KCNQ1OT1: variants seen among roughly 807,000 people sequenced by gnomAD.
KCNQ1OT1 encodes the protein KCNQ1 opposite strand/antisense transcript 1.
Position 2,651,576 on chromosome 11 carries a change from C to T in KCNQ1OT1, n.48419G>A, listed in dbSNP as rs1204353802. Reference sequence around the variant, plus strand: ...GATATTGTGTTCTTTACCTCCATGTCTCCAGTGCCTGCCACATAGCAGGTC... The same window carrying T: ...GATATTGTGTTCTTTACCTCCATGTTTCCAGTGCCTGCCACATAGCAGGTC... On this transcript the variant is annotated non_coding_transcript_exon_variant, in exon 1 of 1. Coordinates refer to ENST00000597346, the Ensembl canonical transcript of KCNQ1OT1. The surrounding 1 kb of genome is among the most constrained non-coding windows in gnomAD (Gnocchi z 6.1). 1 of 398,538 alleles carries T rather than the reference C, an allele frequency of 2.5e-6. No homozygotes were observed. Among genetic ancestry groups the T allele is most frequent in the Non-Finnish European group, 4.4e-6 (1 of 226,114 alleles). The allele number at this position is 398,538 out of a possible 1,614,324, so 24.7% of individuals were successfully genotyped here.
rs1019048238 is a variant in KCNQ1OT1, at chr11:2,670,642, A to G, written n.29353T>C. The G allele has an allele frequency of 2.5e-6, 1 of 398,548 alleles. No individual in the cohort carries two copies. The highest frequency in any genetic ancestry group is 4.4e-6 in the Non-Finnish European group (1 of 226,128). 24.7% of individuals were successfully genotyped at this position (398,548 alleles called of 1,614,324 possible). On this transcript the variant is annotated non_coding_transcript_exon_variant, in exon 1 of 1. Coordinates refer to ENST00000597346, the Ensembl canonical transcript of KCNQ1OT1. This position sits in a 1 kb window ranked among gnomAD's most constrained non-coding sequence, Gnocchi z 4.9. Reference sequence around the variant, plus strand: ...AGCCTGGATATGCATGGCAGAGGCCAGGATGAACCCTGAAGATTGGTAGGA... The same window carrying G: ...AGCCTGGATATGCATGGCAGAGGCCGGGATGAACCCTGAAGATTGGTAGGA...
exon 1 of KCNQ1OT1, chr11:2,667,805 AC>A: frequency 2.5e-6 from 1 of 398,688 alleles, no homozygotes; most frequent in Non-Finnish European, 4.4e-6. Context: ...CACCTGGGCT[AC>A]CCTGGTATAG....
At chr11:2,666,955 A>G (rs1850083118) in exon 1 of KCNQ1OT1, 1 of 398,756 alleles carries the variant, frequency 2.5e-6, no homozygotes, top group Non-Finnish European at 4.4e-6. Flanking sequence ...CGAGATGCCA[A>G]GGAAGCCCTC....
exon 1 of KCNQ1OT1, chr11:2,628,638 T>A: frequency 2.5e-6 from 1 of 398,446 alleles, no homozygotes; most frequent in Non-Finnish European, 4.4e-6. Flanking sequence ...ACTTTTTTGT[T>A]TGATGTAGTT....
At position 2,687,750 on chromosome 11, in the gene KCNQ1OT1, GAGA is replaced by G. The variant is rs1187999803; in HGVS notation, n.12242_12244del. 117 of 398,614 alleles carry G rather than the reference GAGA, an allele frequency of 2.9e-4. No individual in the cohort carries two copies. The highest frequency in any genetic ancestry group is 2.2e-4 in the Admixed American group (5 of 22,718). The allele number at this position is 398,614 out of a possible 1,614,324, so 24.7% of individuals were successfully genotyped here. A position where few individuals can be genotyped will look rare whatever the true frequency, so the allele number is the denominator to read the frequency against. On this transcript the variant is annotated non_coding_transcript_exon_variant, in exon 1 of 1. Transcript: ENST00000597346. This position sits in a 1 kb window ranked among gnomAD's most constrained non-coding sequence, Gnocchi z 5.0. ...GTAACCAGCAAATCATGGGGAGACT[GAGA>G]AGAGGAGCCCCTTAGCAGGCCTAAC...
At chr11:2,693,017 A>T in exon 1 of KCNQ1OT1, 1 of 398,636 alleles carries the variant, frequency 2.5e-6, no homozygotes, top group Non-Finnish European at 4.4e-6. Flanking sequence ...CGCTCAGTGA[A>T]GGAACAGGAA....
exon 1 of KCNQ1OT1, chr11:2,631,064 T>C: frequency 2.5e-6 from 1 of 398,572 alleles, no homozygotes; most frequent in Non-Finnish European, 4.4e-6. Context: ...GAAACCTCTT[T>C]TAGATGGAAA....
chr11:2,695,355 C>T lies in KCNQ1OT1; in HGVS notation n.4640G>A, dbSNP rs1341072729. 2 of 398,424 alleles carry T rather than the reference C, an allele frequency of 5.0e-6. No individual in the cohort carries two copies. Among genetic ancestry groups the T allele is most frequent in the Non-Finnish European group, 8.8e-6 (2 of 226,082 alleles). 24.7% of individuals were successfully genotyped at this position (398,424 alleles called of 1,614,324 possible). ...GTGTGTGTGTGTGTGCACTCACGAGCACTCCCTAGTACTGCGTGTCTGGGT... is the reference window on the plus strand; with the variant it reads ...GTGTGTGTGTGTGTGCACTCACGAGTACTCCCTAGTACTGCGTGTCTGGGT... On this transcript the variant is annotated non_coding_transcript_exon_variant, in exon 1 of 1. Transcript: ENST00000597346. The surrounding 1 kb of genome is among the most constrained non-coding windows in gnomAD (Gnocchi z 5.2).
Position 2,621,925 on chromosome 11 carries a change from GTTC to G in KCNQ1OT1, n.78067_78069del, listed in dbSNP as rs764151014. ...CTTCTGTTAACTTTGGCTTTAGTTT[GTTC>G]TTCTTTTTCTAATTCCTTGAGGTAC... On this transcript the variant is annotated non_coding_transcript_exon_variant, in exon 1 of 1. Coordinates refer to ENST00000597346, the Ensembl canonical transcript of KCNQ1OT1. The surrounding 1 kb of genome is among the most constrained non-coding windows in gnomAD (Gnocchi z 5.7). 494 of 397,994 alleles carry G rather than the reference GTTC, an allele frequency of 1.2e-3. No homozygotes were observed. The highest frequency in any genetic ancestry group is 1.8e-3 in the Non-Finnish European group (402 of 225,852). 24.7% of individuals were successfully genotyped at this position (397,994 alleles called of 1,614,324 possible).
chr11:2,638,470 A>G (rs1157573185), exon 1 of KCNQ1OT1: 1 of 152,130 alleles, frequency 6.6e-6, no homozygotes, highest in Admixed American at 6.5e-5. Flanking sequence ...CTGGGTTGAA[A>G]ATTCTTTTCT....
In KCNQ1OT1 at chr11:2,688,708, G is replaced by C. The variant is rs145785680; in HGVS notation, n.11287C>G. On this transcript the variant is annotated non_coding_transcript_exon_variant, in exon 1 of 1. Coordinates refer to ENST00000597346, the Ensembl canonical transcript of KCNQ1OT1. ...ACGTGCCTAGGCCCAGCTGGGGCTG[G>C]CATACAAATTGGGTGGCCCGGCTCT... 1,197 of 399,030 alleles carry C rather than the reference G, an allele frequency of 3.0e-3. 13 individuals are homozygous for C. Among genetic ancestry groups the C allele is most frequent in the African/African-American group, 0.022 (1,053 of 48,782 alleles). 24.7% of individuals were successfully genotyped at this position (399,030 alleles called of 1,614,324 possible). A position where few individuals can be genotyped will look rare whatever the true frequency, so the allele number is the denominator to read the frequency against.
chr11:2,628,869 A>C, exon 1 of KCNQ1OT1: 8 of 398,328 alleles, frequency 2.0e-5, no homozygotes, highest in Non-Finnish European at 3.5e-5. Flanking sequence ...TATTCAAGAG[A>C]GTACCCTTTC....
chr11:2,645,748 G>A lies in KCNQ1OT1; in HGVS notation n.54247C>T. On this transcript the variant is annotated non_coding_transcript_exon_variant, in exon 1 of 1. Coordinates refer to ENST00000597346, the Ensembl canonical transcript of KCNQ1OT1. This position sits in a 1 kb window ranked among gnomAD's most constrained non-coding sequence, Gnocchi z 5.8. Reference sequence around the variant, plus strand: ...TGTAAGGGATGTCCATGGGGCTCCAGGGATGAGATAGAGGGATGTGGGGCC... The same window carrying A: ...TGTAAGGGATGTCCATGGGGCTCCAAGGATGAGATAGAGGGATGTGGGGCC... 1 of 398,810 alleles carries A rather than the reference G, an allele frequency of 2.5e-6. No homozygotes were observed. The highest frequency in any genetic ancestry group is 4.4e-6 in the Non-Finnish European group (1 of 226,208). The allele number at this position is 398,810 out of a possible 1,614,324, so 24.7% of individuals were successfully genotyped here.
At position 2,659,414 on chromosome 11, in the gene KCNQ1OT1, C is replaced by T. The variant is rs1437842980; in HGVS notation, n.40581G>A. 1.0e-5 allele frequency: 4 copies of T among 398,452 alleles called. No homozygotes were observed. Among genetic ancestry groups the T allele is most frequent in the Non-Finnish European group, 1.8e-5 (4 of 226,044 alleles). 24.7% of individuals were successfully genotyped at this position (398,452 alleles called of 1,614,324 possible). ...TAGCAAAATGCATTTGAGATTCATC[C>T]ATGTTGTTGCATAAATCATTAGTTA... On this transcript the variant is annotated non_coding_transcript_exon_variant, in exon 1 of 1. Coordinates refer to ENST00000597346, the Ensembl canonical transcript of KCNQ1OT1. The surrounding 1 kb of genome is among the most constrained non-coding windows in gnomAD (Gnocchi z 4.3).
At chr11:2,699,555 G>A (rs1240851250) in exon 1 of KCNQ1OT1, 2 of 342,822 alleles carry the variant, frequency 5.8e-6, no homozygotes, top group Non-Finnish European at 1.0e-5. Context: ...GGACCGCGCG[G>A]AGGAGAACCA....
Position 2,645,633 on chromosome 11 carries a change from C to T in KCNQ1OT1, n.54362G>A. The T allele has an allele frequency of 2.5e-6, 1 of 398,778 alleles. No homozygotes were observed. Among genetic ancestry groups the T allele is most frequent in the Non-Finnish European group, 4.4e-6 (1 of 226,172 alleles). 24.7% of individuals were successfully genotyped at this position (398,778 alleles called of 1,614,324 possible). On this transcript the variant is annotated non_coding_transcript_exon_variant, in exon 1 of 1. Coordinates refer to ENST00000597346, the Ensembl canonical transcript of KCNQ1OT1. The surrounding 1 kb of genome is among the most constrained non-coding windows in gnomAD (Gnocchi z 5.8). ...GACTATGGGCAGGGTCACCTTTCCTCATGGCAGCCTTGCTTCGGAGGTAGC... is the reference window on the plus strand; with the variant it reads ...GACTATGGGCAGGGTCACCTTTCCTTATGGCAGCCTTGCTTCGGAGGTAGC...
chr11:2,668,202 ATCAT>A lies in KCNQ1OT1; in HGVS notation n.31789_31792del. Reference sequence around the variant, plus strand: ...GTGCTCCATTGTGTGCATGGCCTACATCATTCATCCATTCTACCACCTGTGGCCA... The same window carrying A: ...GTGCTCCATTGTGTGCATGGCCTACATCATCCATTCTACCACCTGTGGCCA... On this transcript the variant is annotated non_coding_transcript_exon_variant, in exon 1 of 1. Coordinates refer to ENST00000597346, the Ensembl canonical transcript of KCNQ1OT1. This position sits in a 1 kb window ranked among gnomAD's most constrained non-coding sequence, Gnocchi z 4.3. The A allele has an allele frequency of 2.5e-6, 1 of 398,610 alleles. No homozygotes were observed. The highest frequency in any genetic ancestry group is 4.4e-6 in the Non-Finnish European group (1 of 226,074). 24.7% of individuals were successfully genotyped at this position (398,610 alleles called of 1,614,324 possible). A position where few individuals can be genotyped will look rare whatever the true frequency, so the allele number is the denominator to read the frequency against.
chr11:2,626,430 T>C lies in KCNQ1OT1; in HGVS notation n.73565A>G, dbSNP rs992532595. ...TTCTCAGGAATCATTTGATCATGTA[T>C]ACAAGGGTTTATTTTTGGGCTCTCT... On this transcript the variant is annotated non_coding_transcript_exon_variant, in exon 1 of 1. Coordinates refer to ENST00000597346, the Ensembl canonical transcript of KCNQ1OT1. This position sits in a 1 kb window ranked among gnomAD's most constrained non-coding sequence, Gnocchi z 4.0. 3.0e-5 allele frequency: 12 copies of C among 398,556 alleles called. No individual in the cohort carries two copies. The highest frequency in any genetic ancestry group is 5.3e-5 in the Non-Finnish European group (12 of 226,094). The allele number at this position is 398,556 out of a possible 1,614,324, so 24.7% of individuals were successfully genotyped here.
chr11:2,667,073 G>GA lies in KCNQ1OT1; in HGVS notation n.32921_32922insT, dbSNP rs1850087281. On this transcript the variant is annotated non_coding_transcript_exon_variant, in exon 1 of 1. Transcript: ENST00000597346. ...CAAACCCGTCTCTGAAATGCACGGG[G>GA]GGATTAAATGTTCTTCTAATTAAAT... 7.5e-6 allele frequency: 3 copies of GA among 398,632 alleles called. No homozygotes were observed. The East Asian group carries it at 1.1e-4, about 14-fold the overall frequency. 24.7% of individuals were successfully genotyped at this position (398,632 alleles called of 1,614,324 possible).
Sources: gnomAD v4.1 joint callset for allele counts on GRCh38, gnomAD v4.1.1 for gene constraint, Gnocchi (gnomAD v3.1) non-coding constraint, MANE v1.5 for transcripts, NCBI Gene and HGNC (gene_info 2026-07-23, HGNC 2026-07-21) for gene names.